Variants in TAFA4 observed in about 807,000 individuals in gnomAD.
The protein encoded by TAFA4 is chemokine-like protein TAFA-4.
Under a neutral mutation model 21.1 loss-of-function variants are expected in TAFA4, and 20 were observed. That is an observed-to-expected ratio of 0.95 (90% CI 0.67 to 1.38). TAFA4 has a LOEUF of 1.38. TAFA4 is among the 40% of genes most tolerant of loss of function. The pLI is 0.00. For missense variants in TAFA4, 211 were observed against 180.9 expected, an observed-to-expected ratio of 1.17 and a Z score of -0.95; for synonymous variants, 71 against 67.4, an observed-to-expected ratio of 1.05 and a Z score of -0.26.
chr3:68,886,801 A>G (rs1443433203), intron 1 of TAFA4, among the ~76,000 whole-genome samples: 2 of 152,186 alleles, frequency 1.3e-5, no homozygotes, highest in Non-Finnish European at 2.9e-5. Context: ...CTGCTGTAAC[A>G]GAACAGAAAT....
At chr3:68,772,936 T>A (rs1399561599) in intron 3 of TAFA4, among the ~76,000 whole-genome samples, 1 of 152,238 alleles carries the variant, frequency 6.6e-6, no homozygotes, top group Admixed American at 6.5e-5. Flanking sequence ...ATGTTTCATC[T>A]TTTTAAAACA....
At position 68,739,087 on chromosome 3, in the gene TAFA4, G is replaced by A; in HGVS notation, c.399C>T (p.Val133=). The change falls in exon 5 of 6, where the codon GTC becomes GTT. Residue 133 remains valine, a synonymous_variant. Coordinates refer to ENST00000295569, the MANE Select transcript of TAFA4 (RefSeq NM_182522.5). ...SGWSCSSGNK[V]KTTKVTR is the part of the protein sequence containing the mutation. ...TGTCTATACTTGCCTTCGTAGTTTT[G>A]ACTTTATTGCCACTGCTACAGGACC... is the stretch of plus-strand genomic sequence containing the variant. The A allele has an allele frequency of 6.2e-7, 1 of 1,613,742 alleles. No homozygotes were observed. Among genetic ancestry groups the A allele is most frequent in the African/African-American group, 1.3e-5 (1 of 75,030 alleles).
chr3:68,862,407 T>C (rs2089356599), intron 3 of TAFA4, among the ~76,000 whole-genome samples: 1 of 152,174 alleles, frequency 6.6e-6, no homozygotes, highest in Non-Finnish European at 1.5e-5. Context: ...GGTAGACAGA[T>C]GTGTTGCTGT....
rs55853026 is a variant in TAFA4, at chr3:68,917,753, C to CAA, written c.-123+14485_-123+14486dup. ...TGGACGACAGAGCGAGACTCTGTCT[C>CAA]AAAAAAAAAAAAAAAAAAAAGAAAG... On this transcript the variant is annotated intron_variant, in intron 1 of 5. Transcript: ENST00000295569. Among the ~76,000 whole-genome samples the CAA allele has an allele frequency of 8.3e-3, 484 of 58,128 alleles. 9 individuals carry two copies. Among genetic ancestry groups the CAA allele is most frequent in the African/African-American group, 0.029 (455 of 15,506 alleles). 38.1% of individuals were successfully genotyped at this position (58,128 alleles called of 152,430 possible).
chr3:68,789,574 G>A lies in TAFA4; in HGVS notation c.131-36556C>T, dbSNP rs920857581. Among the ~76,000 whole-genome samples the A allele has an allele frequency of 2.6e-5, 4 of 152,004 alleles. No individual in the cohort carries two copies. The East Asian group carries it at 7.7e-4, about 29-fold the overall frequency. On this transcript the variant is annotated intron_variant, in intron 3 of 5. Transcript: ENST00000295569. ...TATTTGTCAATTGTGCCTTAATAAA[G>A]CTGGGGGAGCACATCTCTGACCCCA...
intron 1 of TAFA4, among the ~76,000 whole-genome samples, chr3:68,903,931 G>T (rs1001028484): frequency 6.6e-6 from 1 of 151,990 alleles, no homozygotes; most frequent in Non-Finnish European, 1.5e-5. Context: ...CATCCCATGT[G>T]AGCCTAACCT....
rs541751535 is a variant in TAFA4, at chr3:68,917,550, C to T, written c.-123+14690G>A. On this transcript the variant is annotated intron_variant, in intron 1 of 5. Transcript: ENST00000295569. ...CAGGCAGATCACGAGGTCAGGAGCT[C>T]GAGACCAGCCTGACCAATATGGTGA... Among the ~76,000 whole-genome samples, 4 of 151,718 alleles carry T rather than the reference C, an allele frequency of 2.6e-5. No homozygotes were observed. In the East Asian group the frequency reaches 7.8e-4, roughly 30 times the overall value.
At position 68,873,710 on chromosome 3, in the gene TAFA4, T is replaced by G. The variant is rs142590004; in HGVS notation, c.130+7020A>C. 3.7e-3 allele frequency among the ~76,000 whole-genome samples: 556 copies of G among 152,294 alleles called. 3 individuals are homozygous for G. Among genetic ancestry groups the G allele is most frequent in the African/African-American group, 0.013 (540 of 41,576 alleles). On this transcript the variant is annotated intron_variant, in intron 3 of 5. Coordinates refer to ENST00000295569, the MANE Select transcript of TAFA4 (RefSeq NM_182522.5). ...TCCAACCAGCCTTTGAAAGTGCCACTTGAAAGACAAGCCTCCCACTATTTC... is the reference window on the plus strand; with the variant it reads ...TCCAACCAGCCTTTGAAAGTGCCACGTGAAAGACAAGCCTCCCACTATTTC...
intron 3 of TAFA4, among the ~76,000 whole-genome samples, chr3:68,814,395 C>A (rs1703913874): frequency 6.6e-6 from 1 of 152,116 alleles, no homozygotes; most frequent in Non-Finnish European, 1.5e-5. Flanking sequence ...TTGCAGATGA[C>A]ATGATTGTAT....
chr3:68,782,867 T>C (rs1703177660), intron 3 of TAFA4, among the ~76,000 whole-genome samples: 1 of 152,198 alleles, frequency 6.6e-6, no homozygotes, highest in Non-Finnish European at 1.5e-5. Context: ...TACCACTGAA[T>C]TGAACACCTT....
intron 4 of TAFA4, among the ~76,000 whole-genome samples, chr3:68,747,971 T>C (rs1702490050): frequency 1.3e-5 from 2 of 152,160 alleles, no homozygotes; most frequent in Admixed American, 6.5e-5. Flanking sequence ...CGTGCTGCCT[T>C]GTTCCCTGAC....
At chr3:68,917,046 G>A in intron 1 of TAFA4, among the ~76,000 whole-genome samples, 1 of 152,164 alleles carries the variant, frequency 6.6e-6, no homozygotes, top group Non-Finnish European at 1.5e-5. Context: ...TACGTAGCTA[G>A]CATCTCTTCC....
At chr3:68,758,663 A>ATCTT (rs1460161101) in intron 3 of TAFA4, among the ~76,000 whole-genome samples, 5 of 152,310 alleles carry the variant, frequency 3.3e-5, no homozygotes, top group East Asian at 1.9e-4. Flanking sequence ...TACAACTATG[A>ATCTT]TCTTTGAATA....
chr3:68,820,290 T>G (rs1209586044), intron 3 of TAFA4, among the ~76,000 whole-genome samples: 1 of 152,312 alleles, frequency 6.6e-6, no homozygotes, highest in South Asian at 2.1e-4. Flanking sequence ...AGAGATAAGA[T>G]ATTTGTCAAA....
intron 3 of TAFA4, among the ~76,000 whole-genome samples, chr3:68,826,369 C>A (rs1238914019): frequency 6.6e-6 from 1 of 152,096 alleles, no homozygotes; most frequent in African/African-American, 2.4e-5. Context: ...GTCAGCCGAT[C>A]GAGACCATCC....
chr3:68,802,960 A>G (rs983965475), intron 3 of TAFA4, among the ~76,000 whole-genome samples: 1 of 152,360 alleles, frequency 6.6e-6, no homozygotes, highest in East Asian at 1.9e-4. Flanking sequence ...CCAAGCTTAC[A>G]GGGATGCTGA....
intron 5 of TAFA4, among the ~76,000 whole-genome samples, chr3:68,738,317 AG>A (rs1702280970): frequency 6.6e-6 from 1 of 152,174 alleles, no homozygotes; most frequent in East Asian, 1.9e-4. Context: ...GACCAGGCAG[AG>A]GCTAGTGGAC....
intron 3 of TAFA4, among the ~76,000 whole-genome samples, chr3:68,778,709 A>C (rs1031235744): frequency 8.5e-5 from 13 of 152,184 alleles, no homozygotes; most frequent in Non-Finnish European, 1.6e-4. Flanking sequence ...TTCTGCCATG[A>C]TTGTGAGGCT....
intron 4 of TAFA4, among the ~76,000 whole-genome samples, chr3:68,744,944 A>C (rs943818837): frequency 6.6e-6 from 1 of 152,196 alleles, no homozygotes; most frequent in South Asian, 2.1e-4. Flanking sequence ...GCAAATATAT[A>C]TATTTTCCCA....
Sources: allele counts gnomAD v4.1 joint callset (sites outside exome capture counted in the v4.1 genomes callset), GRCh38; gene constraint gnomAD v4.1.1; transcripts MANE v1.5; gene names NCBI Gene and HGNC (gene_info 2026-07-23, HGNC 2026-07-21).